The following VOPP1 variants were observed in gnomAD, a reference collection of about 807,000 sequenced individuals.
The protein encoded by VOPP1 is VOPP1 WW domain binding protein.
In VOPP1, 8 loss-of-function variants were observed where a neutral mutation model predicts 23.5. The observed-to-expected ratio is 0.34, with a 90% CI of 0.20 to 0.61. The LOEUF (loss-of-function observed/expected upper bound fraction) is 0.61. Among genes scored for constraint, VOPP1 ranks in the 20% least tolerant of loss-of-function variants. VOPP1 has a pLI of 0.78. For synonymous variants in VOPP1, 83 were observed against 97.3 expected (o/e 0.85, Z 0.86); for missense variants, 174 against 238.1 (o/e 0.73, Z 1.77).
chr7:55,536,451 C>T (rs1188056323), intron 1 of VOPP1, among the ~76,000 whole-genome samples: 2 of 152,108 alleles, frequency 1.3e-5, no homozygotes, highest in Admixed American at 1.3e-4. Context: ...ATTGCTTGAA[C>T]CCTGGAGGCA....
intron 4 of VOPP1, among the ~76,000 whole-genome samples, chr7:55,462,305 TTCC>T (rs1237200424): frequency 6.6e-6 from 1 of 152,244 alleles, no homozygotes; most frequent in East Asian, 1.9e-4. Context: ...AGCTGAAATG[TTCC>T]TCAAGTGATA....
intron 1 of VOPP1, among the ~76,000 whole-genome samples, chr7:55,522,870 G>C (rs367864027): frequency 6.6e-6 from 1 of 152,222 alleles, no homozygotes; most frequent in Non-Finnish European, 1.5e-5. Flanking sequence ...CAGATCCAAA[G>C]CAGCCACTTG....
chr7:55,491,566 T>C (rs932574511), intron 4 of VOPP1, among the ~76,000 whole-genome samples: 6 of 152,168 alleles, frequency 3.9e-5, no homozygotes, highest in African/African-American at 1.4e-4. Context: ...TCCAGGACCC[T>C]TGGCTCCCCG....
chr7:55,503,781 C>T (rs1242065471), intron 2 of VOPP1, among the ~76,000 whole-genome samples: 7 of 152,190 alleles, frequency 4.6e-5, no homozygotes, highest in Admixed American at 3.9e-4. Context: ...CTACGAACCA[C>T]GGACAGAGCC....
At chr7:55,448,732 C>T (rs1162378779) in intron 4 of VOPP1, among the ~76,000 whole-genome samples, 1 of 152,252 alleles carries the variant, frequency 6.6e-6, no homozygotes, top group Non-Finnish European at 1.5e-5. Flanking sequence ...GCATCCTATT[C>T]CAGTGCCCAG....
At chr7:55,435,100 A>G (rs148055796), downstream of VOPP1, among the ~76,000 whole-genome samples, 2 of 152,274 alleles carry the variant, frequency 1.3e-5, no homozygotes, top group East Asian at 3.9e-4. Flanking sequence ...CTATGGCTCT[A>G]CCTTTCATGA....
At chr7:55,483,054 C>G (rs1424815976) in intron 4 of VOPP1, among the ~76,000 whole-genome samples, 2 of 152,208 alleles carry the variant, frequency 1.3e-5, no homozygotes, top group Non-Finnish European at 2.9e-5. Flanking sequence ...CGAGCACTAA[C>G]TTTCACTCCG....
At chr7:55,541,500 A>G (rs961593942) in intron 1 of VOPP1, among the ~76,000 whole-genome samples, 8 of 152,250 alleles carry the variant, frequency 5.3e-5, no homozygotes, top group African/African-American at 1.7e-4. Context: ...TTGACCCCTC[A>G]TACATTGCTG....
At chr7:55,551,537 T>C (rs1321705612) in intron 1 of VOPP1, among the ~76,000 whole-genome samples, 2 of 152,184 alleles carry the variant, frequency 1.3e-5, no homozygotes. Flanking sequence ...AATCTGTCAA[T>C]AAGCTCTGGT....
intron 4 of VOPP1, among the ~76,000 whole-genome samples, chr7:55,442,795 G>T (rs1790999211): frequency 6.6e-6 from 1 of 152,194 alleles, no homozygotes; most frequent in African/African-American, 2.4e-5. Context: ...GGGTGAAGCT[G>T]CAAGAAAAAC....
chr7:55,552,965 T>C (rs984391690), intron 1 of VOPP1: 62 of 532,802 alleles, frequency 1.2e-4, no homozygotes, highest in African/African-American at 1.1e-3. Context: ...GGAAAAGACA[T>C]GCAACCGAAA....
intron 4 of VOPP1, among the ~76,000 whole-genome samples, chr7:55,465,333 A>C (rs966683788): frequency 6.6e-6 from 1 of 152,206 alleles, no homozygotes; most frequent in Non-Finnish European, 1.5e-5. Context: ...TCTATCTCTG[A>C]TTGGCTCAAC....
At chr7:55,567,436 C>G (rs1169335600) in intron 1 of VOPP1, among the ~76,000 whole-genome samples, 1 of 152,152 alleles carries the variant, frequency 6.6e-6, no homozygotes, top group East Asian at 1.9e-4. Flanking sequence ...AAGGTGAAAT[C>G]TGAAAAGCTT....
chr7:55,529,096 T>A (rs1432065361), intron 1 of VOPP1, among the ~76,000 whole-genome samples: 1 of 152,144 alleles, frequency 6.6e-6, no homozygotes, highest in African/African-American at 2.4e-5. Flanking sequence ...GAGTCCTCAA[T>A]GGGCCGGGCA....
At chr7:55,499,270 T>C (rs1794197146) in intron 2 of VOPP1, among the ~76,000 whole-genome samples, 1 of 152,302 alleles carries the variant, frequency 6.6e-6, no homozygotes, top group Middle Eastern at 3.4e-3. Context: ...CTGGCCAACA[T>C]GGTGAAACCC....
intron 4 of VOPP1, among the ~76,000 whole-genome samples, chr7:55,440,682 T>TG (rs1410029977): frequency 2.0e-5 from 3 of 152,166 alleles, no homozygotes; most frequent in Non-Finnish European, 4.4e-5. Context: ...TCATGGACCC[T>TG]GGGAGGGAGC....
chr7:55,537,273 G>A (rs1796853887), intron 1 of VOPP1, among the ~76,000 whole-genome samples: 1 of 152,170 alleles, frequency 6.6e-6, no homozygotes, highest in African/African-American at 2.4e-5. Flanking sequence ...GCAACATCTG[G>A]GAAGCCAAGC....
At chr7:55,511,689 C>T (rs574541145) in intron 2 of VOPP1, among the ~76,000 whole-genome samples, 5 of 152,348 alleles carry the variant, frequency 3.3e-5, no homozygotes, top group African/African-American at 9.6e-5. Context: ...AATGCAACCA[C>T]TTGTCCCTCA....
At chr7:55,478,613 T>C (rs1792453432) in intron 4 of VOPP1, among the ~76,000 whole-genome samples, 1 of 152,090 alleles carries the variant, frequency 6.6e-6, no homozygotes, top group Admixed American at 6.5e-5. Flanking sequence ...CCAAGATAAA[T>C]GAGAACTGAC....
Sources: gnomAD v4.1 joint callset for allele counts (sites outside exome capture counted in the v4.1 genomes callset) on GRCh38, gnomAD v4.1.1 for gene constraint, MANE v1.5 for transcripts, NCBI Gene and HGNC (gene_info 2026-07-23, HGNC 2026-07-21) for gene names.